The following SLC10A1 variants were observed in gnomAD, a reference collection of about 807,000 sequenced individuals.
SLC10A1 encodes the protein hepatic sodium/bile acid cotransporter.
SLC10A1 carries 36 observed loss-of-function variants against 20.5 expected under a neutral mutation model. The observed-to-expected ratio is 1.75, with a 90% CI of 1.34 to 2.32. The LOEUF (loss-of-function observed/expected upper bound fraction) is 2.32. SLC10A1 is among the 30% of genes most tolerant of loss of function. The pLI is 0.00. For synonymous variants in SLC10A1, 188 were observed against 163.6 expected (o/e 1.15, Z -1.14); for missense variants, 545 against 439.1 (o/e 1.24, Z -2.16).
chr14:69,779,532 T>C (rs1336522980), intron 2 of SLC10A1, among the ~76,000 whole-genome samples, 172 bp from the exon 3 acceptor site: 1 of 152,186 alleles, frequency 6.6e-6, no homozygotes, highest in Admixed American at 6.5e-5. Flanking sequence ...TTAAATTTTT[T>C]TAAAATTATT....
chr14:69,794,195 A>G (rs541642823), intron 1 of SLC10A1, among the ~76,000 whole-genome samples: 2 of 152,214 alleles, frequency 1.3e-5, no homozygotes, highest in Non-Finnish European at 2.9e-5. Flanking sequence ...TGGCCCTTTG[A>G]CATGTATTGT....
Position 69,786,221 on chromosome 14 carries a change from C to T in SLC10A1, c.443G>A (p.Gly148Glu), listed in dbSNP as rs755186097. ...ATAGGGCACCTTGTCCTTCAGGTCC[C>T]CATCATAGATCCCCCTGGAGTAGAT... ...LYIYSRGIYD[G>E]DLKDKVPYKG... Residue 148 changes from glycine (G) to glutamate (E), a missense_variant, in exon 2 of 5, where the codon GGG (glycine) becomes GAG (glutamate). Coordinates refer to ENST00000216540, the MANE Select transcript of SLC10A1 (RefSeq NM_003049.4). 6.2e-7 allele frequency: 1 copy of T among 1,613,888 alleles called. No individual in the cohort carries two copies. Among genetic ancestry groups the T allele is most frequent in the South Asian group, 1.1e-5 (1 of 91,062 alleles).
chr14:69,782,585 A>G (rs1883619124), intron 2 of SLC10A1, among the ~76,000 whole-genome samples: 1 of 152,176 alleles, frequency 6.6e-6, no homozygotes, highest in South Asian at 2.1e-4. Context: ...AGGCGGGGAG[A>G]TCACAAGGTC....
intron 1 of SLC10A1, among the ~76,000 whole-genome samples, chr14:69,796,148 G>T (rs1265099873): frequency 6.6e-6 from 1 of 152,200 alleles, no homozygotes; most frequent in Non-Finnish European, 1.5e-5. Context: ...GGGTTAGGGG[G>T]TGCTGCTGTC....
Position 69,778,630 on chromosome 14 carries a change from AG to A in SLC10A1, c.747-102del, listed in dbSNP as rs1883510709. On this transcript the variant is annotated intron_variant, in intron 3 of 4. Transcript: ENST00000216540. ...AAGAGTTTCGCAGCAGATGGAATCT[AG>A]ACCCTGGACAGGGGTACTTTGCTAT... The A allele has an allele frequency of 2.9e-6, 3 of 1,029,540 alleles. 1 individual carries two copies. The South Asian group carries it at 5.3e-5, about 18-fold the overall frequency. 63.8% of individuals were successfully genotyped at this position (1,029,540 alleles called of 1,614,324 possible).
chr14:69,777,693 T>C (rs1594759764), intron 4 of SLC10A1, among the ~76,000 whole-genome samples: 1 of 150,194 alleles, frequency 6.7e-6, no homozygotes, highest in East Asian at 2.0e-4. Flanking sequence ...GGTAATACTC[T>C]GAGCATTTTA....
At chr14:69,787,353 T>C (rs528487067) in intron 1 of SLC10A1, among the ~76,000 whole-genome samples, 2 of 152,328 alleles carry the variant, frequency 1.3e-5, no homozygotes, top group Admixed American at 1.3e-4. Flanking sequence ...TGATAGGGCA[T>C]CTCCTTAGAT....
At chr14:69,785,994 G>T in intron 2 of SLC10A1, 103 bp downstream of exon 2, 1 of 805,342 alleles carries the variant, frequency 1.2e-6, no homozygotes, top group Non-Finnish European at 2.0e-6. Context: ...GCATCTAGTA[G>T]GAGCATATGT....
Position 69,786,198 on chromosome 14 carries a change from A to G in SLC10A1, c.466T>C (p.Tyr156His). Residue 156 changes from tyrosine (Y) to histidine (H), a missense_variant, in exon 2 of 5, where the codon TAT (tyrosine) becomes CAT (histidine). Tyr to His is a moderately conservative substitution (Grantham distance 83). Coordinates refer to ENST00000216540, the MANE Select transcript of SLC10A1 (RefSeq NM_003049.4). ...ACCAGTGATATCACGATGCCTTTAT[A>G]GGGCACCTTGTCCTTCAGGTCCCCA... is the stretch of plus-strand genomic sequence containing the variant. ...YDGDLKDKVP[Y>H]KGIVISLVLV... The G allele has an allele frequency of 1.2e-6, 2 of 1,614,028 alleles. No homozygotes were observed. Among genetic ancestry groups the G allele is most frequent in the Non-Finnish European group, 1.7e-6 (2 of 1,179,922 alleles).
chr14:69,784,275 T>C (rs1382547361), intron 2 of SLC10A1, among the ~76,000 whole-genome samples: 1 of 152,140 alleles, frequency 6.6e-6, no homozygotes, highest in African/African-American at 2.4e-5. Flanking sequence ...GAGAAGGCTT[T>C]TGAGGAGGCA....
chr14:69,777,381 AAC>A (rs760852995), intron 4 of SLC10A1, among the ~76,000 whole-genome samples: 7 of 152,156 alleles, frequency 4.6e-5, no homozygotes, highest in Non-Finnish European at 8.8e-5. Flanking sequence ...AGTATAATGT[AAC>A]AAATTCCAAT....
chr14:69,794,178 C>A (rs1227852155), intron 1 of SLC10A1, among the ~76,000 whole-genome samples: 3 of 152,158 alleles, frequency 2.0e-5, no homozygotes, highest in Admixed American at 2.0e-4. Flanking sequence ...GGCCTTTGGG[C>A]TACAGCTGGC....
At chr14:69,784,873 A>T (rs1170082455) in intron 2 of SLC10A1, among the ~76,000 whole-genome samples, 1 of 152,156 alleles carries the variant, frequency 6.6e-6, no homozygotes, top group East Asian at 1.9e-4. Flanking sequence ...GTCCTCCAGC[A>T]GGCGGGAAGG....
At chr14:69,789,418 A>G (rs1883793311) in intron 1 of SLC10A1, among the ~76,000 whole-genome samples, 1 of 152,212 alleles carries the variant, frequency 6.6e-6, no homozygotes. Flanking sequence ...ACATGAATGA[A>G]CCTTGAAAAT....
chr14:69,796,028 T>C (rs1157352992), intron 1 of SLC10A1, among the ~76,000 whole-genome samples: 1 of 152,134 alleles, frequency 6.6e-6, no homozygotes, highest in Non-Finnish European at 1.5e-5. Context: ...TGGCAGATGT[T>C]CAAGACTAGA....
At chr14:69,791,669 A>G (rs1379330217) in intron 1 of SLC10A1, among the ~76,000 whole-genome samples, 1 of 152,222 alleles carries the variant, frequency 6.6e-6, no homozygotes, top group Non-Finnish European at 1.5e-5. Flanking sequence ...TGTAATTAAG[A>G]AAGTGTGGAA....
chr14:69,790,203 C>T (rs1401444641), intron 1 of SLC10A1, among the ~76,000 whole-genome samples: 1 of 152,104 alleles, frequency 6.6e-6, no homozygotes, highest in Non-Finnish European at 1.5e-5. Context: ...CAGTTCAAAA[C>T]CTATCTTCTA....
chr14:69,780,133 G>T (rs1016849203), intron 2 of SLC10A1, among the ~76,000 whole-genome samples: 2 of 152,138 alleles, frequency 1.3e-5, no homozygotes, highest in African/African-American at 4.8e-5. Context: ...TGAATATGAA[G>T]GAAGTTCCCA....
rs536458730 is a variant in SLC10A1, at chr14:69,797,040, A to G, written c.116T>C (p.Met39Thr). ...CTCCATGGTGCAGCCCAGCGAGAGCATGATGAAGAACAACATGAACACCAG... is the reference window on the plus strand; with the variant it reads ...CTCCATGGTGCAGCCCAGCGAGAGCGTGATGAAGAACAACATGAACACCAG... ...VILVFMLFFI[M>T]LSLGCTMEFS... The change falls in exon 1 of 5, where the codon ATG becomes ACG. Residue 39 changes from methionine (M) to threonine (T), a missense_variant. By Grantham distance (81) the Met-to-Thr change is moderately conservative (BLOSUM62 -1). Transcript: ENST00000216540. The G allele has an allele frequency of 2.7e-5, 44 of 1,614,234 alleles. No individual in the cohort carries two copies. Among genetic ancestry groups the G allele is most frequent in the South Asian group, 2.1e-4 (19 of 91,088 alleles).
Sources: allele counts gnomAD v4.1 joint callset (sites outside exome capture counted in the v4.1 genomes callset), GRCh38; gene constraint gnomAD v4.1.1; transcripts MANE v1.5; gene names NCBI Gene and HGNC (gene_info 2026-07-23, HGNC 2026-07-21).